The following AMZ1 variants were observed in gnomAD, a reference collection of about 807,000 sequenced individuals.
AMZ1 encodes the protein archaemetzincin-1.
AMZ1 carries 39 observed loss-of-function variants against 29.9 expected under a neutral mutation model. That is an observed-to-expected ratio of 1.30 (90% CI 1.01 to 1.70). The LOEUF is 1.70. Among genes scored for constraint, AMZ1 ranks in the 40% most tolerant of loss-of-function variants. The probability of loss-of-function intolerance (pLI) is 0.00; values close to 1 mark genes in which losing one functional copy is unlikely to be tolerated. For synonymous variants in AMZ1, 458 were observed against 304.0 expected (o/e 1.51, Z -5.27); for missense variants, 1,041 against 680.6 (o/e 1.53, Z -5.89).
downstream of AMZ1, among the ~76,000 whole-genome samples, chr7:2,724,165 C>T (rs779388275): frequency 3.4e-4 from 51 of 152,120 alleles, no homozygotes; most frequent in Non-Finnish European, 6.2e-4. Flanking sequence ...GTGATCCACC[C>T]GCCTCAGCCT....
upstream of AMZ1, chr7:2,763,244 G>T: frequency 2.9e-6 from 1 of 350,144 alleles, no homozygotes; most frequent in Non-Finnish European, 4.0e-6. Flanking sequence ...TCTCAACACA[G>T]TTCAGAAAAC....
At chr7:2,753,342 G>A (rs979574903) in intron 4 of AMZ1, among the ~76,000 whole-genome samples, 1 of 152,034 alleles carries the variant, frequency 6.6e-6, no homozygotes, top group Admixed American at 6.6e-5. Flanking sequence ...GTAGAGATGG[G>A]ATCTTGCTAT....
At chr7:2,693,229 C>T (rs1787510943) in intron 1 of AMZ1, among the ~76,000 whole-genome samples, 2 of 152,010 alleles carry the variant, frequency 1.3e-5, no homozygotes, top group Admixed American at 6.6e-5. Flanking sequence ...GCTGGGATTA[C>T]AGGCATGCGC....
At chr7:2,705,388 G>C (rs919322285) in intron 3 of AMZ1, among the ~76,000 whole-genome samples, 2 of 152,168 alleles carry the variant, frequency 1.3e-5, no homozygotes, top group Non-Finnish European at 2.9e-5. Flanking sequence ...CTTGGTTATT[G>C]AGGTATAATT....
rs548404110 is a variant in AMZ1, at chr7:2,718,562, G to A, written c.*5684G>A. The stretch of plus-strand genomic sequence containing the variant: ...CACCTGGCACGTGGACGAAGGTGAT[G>A]AGCGCGGCTGACGGCTCCCGGGGGC... On this transcript the variant is annotated 3_prime_UTR_variant, in exon 7 of 7. Transcript: ENST00000683327. 2.0e-5 allele frequency among the ~76,000 whole-genome samples: 3 copies of A among 152,354 alleles called. No individual in the cohort carries two copies. The highest frequency in any genetic ancestry group is 2.1e-4 in the South Asian group (1 of 4,822).
chr7:2,705,925 C>T (rs533283753), intron 3 of AMZ1, among the ~76,000 whole-genome samples: 7 of 152,266 alleles, frequency 4.6e-5, no homozygotes, highest in Non-Finnish European at 1.0e-4. Flanking sequence ...CGGTGCGTCT[C>T]ACCTGTTATG....
At chr7:2,719,887 T>C (rs1453425579), downstream of AMZ1, among the ~76,000 whole-genome samples, 1 of 152,170 alleles carries the variant, frequency 6.6e-6, no homozygotes, top group African/African-American at 2.4e-5. Context: ...TTCATCACCT[T>C]GGCCAGGCTG....
At chr7:2,698,295 T>C (rs1787856123) in intron 1 of AMZ1, among the ~76,000 whole-genome samples, 1 of 152,112 alleles carries the variant, frequency 6.6e-6, no homozygotes, top group African/African-American at 2.4e-5. Flanking sequence ...CCCAGCACTT[T>C]GGGAGGCAGA....
chr7:2,682,992 C>T (rs1292143676), intron 1 of AMZ1, among the ~76,000 whole-genome samples: 2 of 152,264 alleles, frequency 1.3e-5, no homozygotes, highest in Admixed American at 6.5e-5. Context: ...GCACCCTCGC[C>T]TGCTGGCCTT....
Position 2,683,201 on chromosome 7 carries a change from G to A in AMZ1, c.-219+3530G>A, listed in dbSNP as rs140557914. On this transcript the variant is annotated intron_variant, in intron 1 of 6. Transcript: ENST00000312371. Reference sequence around the variant, plus strand: ...GCGGCTGCCGTGACAAATGACCACAGCTGTGCGGCTTCAAACAGCACACAT... The same window carrying A: ...GCGGCTGCCGTGACAAATGACCACAACTGTGCGGCTTCAAACAGCACACAT... Among the ~76,000 whole-genome samples the A allele has an allele frequency of 5.3e-5, 8 of 152,318 alleles. No homozygotes were observed. The East Asian group carries it at 1.5e-3, about 29-fold the overall frequency.
At chr7:2,753,742 T>C (rs571571798) in intron 4 of AMZ1, among the ~76,000 whole-genome samples, 9 of 152,198 alleles carry the variant, frequency 5.9e-5, no homozygotes, top group African/African-American at 2.2e-4. Context: ...ATGTTTAATT[T>C]TTTTTTCCTT....
chr7:2,732,627 T>A (rs798530), intron 4 of AMZ1, among the ~76,000 whole-genome samples: 5 of 151,970 alleles, frequency 3.3e-5, no homozygotes, highest in Non-Finnish European at 5.9e-5. Context: ...GGCAGCTTCT[T>A]GCCAAAACAC....
intron 4 of AMZ1, among the ~76,000 whole-genome samples, chr7:2,757,442 AG>A (rs1338845680): frequency 2.6e-5 from 4 of 152,192 alleles, no homozygotes; most frequent in Non-Finnish European, 5.9e-5. Context: ...GGGCACCCCT[AG>A]GAGCTGCCAG....
In AMZ1 at chr7:2,712,760, G is replaced by T. The variant is rs148649777; in HGVS notation, c.1379G>T (p.Ser460Ile). Reference sequence around the variant, plus strand: ...CAGGACCCACCCAGCAGCAGGGACAGCGTGGGGCTGCGCAAGGTGCTGGGG... The same window carrying T: ...CAGGACCCACCCAGCAGCAGGGACATCGTGGGGCTGCGCAAGGTGCTGGGG... ...TRQDPPSSRD[S>I]VGLRKVLGDK... The change falls in exon 7 of 7, where the codon AGC becomes ATC. Residue 460 changes from serine to isoleucine, a missense_variant. Transcript: ENST00000683327. 1.9e-6 allele frequency: 3 copies of T among 1,597,682 alleles called. No individual in the cohort carries two copies. In the African/African-American group the frequency reaches 4.0e-5, roughly 21 times the overall value.
rs148504003 is a variant in AMZ1 at position 2,682,749 on chromosome 7, C to G, written c.-219+3078C>G. On this transcript the variant is annotated intron_variant, in intron 1 of 6. Transcript: ENST00000312371. The stretch of plus-strand genomic sequence containing the variant: ...CCCCCCAGCCCCTGGCCCTCAGCAA[C>G]CCCCCTCCCCAGATGCGGCCTCATC... 1.7e-3 allele frequency among the ~76,000 whole-genome samples: 242 copies of G among 146,420 alleles called. 1 individual carries two copies. Among genetic ancestry groups the G allele is most frequent in the African/African-American group, 5.9e-3 (234 of 39,452 alleles).
intron 4 of AMZ1, among the ~76,000 whole-genome samples, chr7:2,741,200 C>T (rs924592787): frequency 6.6e-6 from 1 of 152,124 alleles, no homozygotes; most frequent in South Asian, 2.1e-4. Context: ...AGATAAAAAG[C>T]ACCTAGACTA....
chr7:2,700,599 C>CTCTA lies in AMZ1; in HGVS notation c.148_149insTCTA (p.Pro50LeufsTer103). ...GCTCTTCCTGGCCGAGGCCTACAAC[C>CTCTA]CGCAGAGGACGCTCTTCTGCACCCT... On this transcript the variant is annotated frameshift_variant, in exon 2 of 7. Coordinates refer to ENST00000683327, the MANE Select transcript of AMZ1 (RefSeq NM_001384743.1). LOFTEE classifies it high-confidence loss of function. 1 of 1,610,608 alleles carries CTCTA rather than the reference C, an allele frequency of 6.2e-7. No individual in the cohort carries two copies. Among genetic ancestry groups the CTCTA allele is most frequent in the Non-Finnish European group, 8.5e-7 (1 of 1,179,992 alleles).
rs956876526 is a variant in AMZ1 at position 2,731,062 on chromosome 7, T to G, written n.550+21246T>G. The G allele has an allele frequency of 1.5e-6, 1 of 655,250 alleles. No homozygotes were observed. 40.6% of individuals were successfully genotyped at this position (655,250 alleles called of 1,614,324 possible). ...GGTCTGACAGCATTCCTGAGCCAGGTATTCCAGGGCACGGATCCGAGAAAC... is the reference window on the plus strand; with the variant it reads ...GGTCTGACAGCATTCCTGAGCCAGGGATTCCAGGGCACGGATCCGAGAAAC... On this transcript the variant is annotated intron_variant and non_coding_transcript_variant, in intron 4 of 4. Transcript: ENST00000489665. The surrounding 1 kb of genome is among the most constrained non-coding windows in gnomAD (Gnocchi z 6.0).
rs908465082 is a variant in AMZ1, at chr7:2,709,686, G to A, written c.818G>A (p.Arg273His). 3.7e-6 allele frequency: 6 copies of A among 1,610,660 alleles called. No homozygotes were observed. The highest frequency in any genetic ancestry group is 2.7e-5 in the African/African-American group (2 of 74,862). The change falls in exon 6 of 7, where the codon CGC becomes CAC. Residue 273 changes from arginine (R) to histidine (H), a missense_variant. Coordinates refer to ENST00000683327, the MANE Select transcript of AMZ1 (RefSeq NM_001384743.1). ...LCHLLGLGNCRWLRCLMQGAL... is the reference protein window; with the variant it reads ...LCHLLGLGNCHWLRCLMQGAL... ...CACCTTCTGGGCCTGGGGAACTGCC[G>A]CTGGCTCCGCTGCCTCATGCAGGGT...
Sources: allele counts gnomAD v4.1 joint callset (sites outside exome capture counted in the v4.1 genomes callset), GRCh38; gene constraint gnomAD v4.1.1; non-coding constraint Gnocchi (gnomAD v3.1); transcripts MANE v1.5; gene names NCBI Gene and HGNC (gene_info 2026-07-23, HGNC 2026-07-21).